PRKCB: variants seen among roughly 807,000 people sequenced by gnomAD.
The protein encoded by PRKCB is protein kinase C beta type.
In PRKCB, 13 loss-of-function variants were observed where a neutral mutation model predicts 81.5. The observed-to-expected ratio is 0.16, with a 90% confidence interval of 0.10 to 0.25. PRKCB has a LOEUF of 0.25. Among genes scored for constraint, PRKCB ranks in the 10% least tolerant of loss-of-function variants. The pLI, the probability that PRKCB is intolerant of heterozygous loss-of-function variation, is 1.00. For synonymous variants in PRKCB, 335 were observed against 321.4 expected (o/e 1.04, Z -0.45); for missense variants, 509 against 875.7 (o/e 0.58, Z 5.29).
chr16:23,889,716 T>C (rs1963261781), intron 2 of PRKCB, among the ~76,000 whole-genome samples: 1 of 152,254 alleles, frequency 6.6e-6, no homozygotes, highest in Non-Finnish European at 1.5e-5. Flanking sequence ...ATCAACTTGC[T>C]CCTGGAGACA....
In PRKCB at chr16:24,218,825, C is replaced by T; in HGVS notation, c.*4009C>T. 3 of 985,448 alleles carry T rather than the reference C, an allele frequency of 3.0e-6. No individual in the cohort carries two copies. The highest frequency in any genetic ancestry group is 3.6e-6 in the Non-Finnish European group (3 of 829,960). 61.0% of individuals were successfully genotyped at this position (985,448 alleles called of 1,614,324 possible). The stretch of plus-strand genomic sequence containing the variant: ...GCACTAGGGAATACAAGGCCTTCTT[C>T]CCTGGTTGTCTTGTAATAAAACAGC... On this transcript the variant is annotated 3_prime_UTR_variant, in exon 17 of 17. Transcript: ENST00000643927.
At chr16:23,871,967 G>T (rs1029175415) in intron 2 of PRKCB, among the ~76,000 whole-genome samples, 2 of 151,438 alleles carry the variant, frequency 1.3e-5, no homozygotes, top group Non-Finnish European at 2.9e-5. Context: ...CGGGGTCCTT[G>T]CCTGTCTTGT....
intron 3 of PRKCB, among the ~76,000 whole-genome samples, chr16:24,006,388 A>G (rs1179900519): frequency 6.6e-6 from 1 of 152,246 alleles, no homozygotes; most frequent in Non-Finnish European, 1.5e-5. Context: ...AGAACAGCCC[A>G]TACTGACCAA....
At chr16:23,836,441 C>T (rs1962159357) in intron 1 of PRKCB, 93 bp downstream of exon 1, 3 of 1,493,866 alleles carry the variant, frequency 2.0e-6, no homozygotes, top group African/African-American at 1.5e-5. Context: ...CCTCCGCGCC[C>T]TCCGCACCCT....
chr16:24,200,656 A>G (rs961102457), intron 16 of PRKCB, among the ~76,000 whole-genome samples: 3 of 152,196 alleles, frequency 2.0e-5, no homozygotes, highest in African/African-American at 7.2e-5. Flanking sequence ...GTGAAGGGCA[A>G]GAGAGAGTAT....
intron 2 of PRKCB, among the ~76,000 whole-genome samples, chr16:23,942,960 G>C (rs754453129): frequency 5.9e-5 from 9 of 152,166 alleles, no homozygotes; most frequent in Non-Finnish European, 1.0e-4. Flanking sequence ...GGCAGTGACT[G>C]TCTCTTCTAT....
intron 5 of PRKCB, among the ~76,000 whole-genome samples, chr16:24,078,960 G>A (rs1016389240): frequency 3.3e-5 from 5 of 152,166 alleles, no homozygotes; most frequent in Admixed American, 1.3e-4. Flanking sequence ...AAGTTGCATG[G>A]TTTTGGTGTC....
intron 5 of PRKCB, among the ~76,000 whole-genome samples, chr16:24,068,329 C>G (rs1405566506): frequency 6.6e-6 from 1 of 152,068 alleles, no homozygotes; most frequent in Admixed American, 6.6e-5. Flanking sequence ...TGATTTGGCC[C>G]CTCAAGTCCT....
intron 2 of PRKCB, among the ~76,000 whole-genome samples, chr16:23,918,024 G>A (rs1963767638): frequency 6.6e-6 from 1 of 152,158 alleles, no homozygotes. Context: ...TAAGATGAGA[G>A]GAAAATATGG....
At position 23,849,301 on chromosome 16, in the gene PRKCB, G is replaced by A. The variant is rs370466598; in HGVS notation, c.205+11895G>A. 5.3e-5 allele frequency among the ~76,000 whole-genome samples: 8 copies of A among 152,192 alleles called. No individual in the cohort carries two copies. In the East Asian group the frequency reaches 1.3e-3, roughly 26 times the overall value. On this transcript the variant is annotated intron_variant, in intron 2 of 16. Coordinates refer to ENST00000643927, the MANE Select transcript of PRKCB (RefSeq NM_002738.7). ...GGAGTGTTTATATCCCTTTTCGGTT[G>A]AAGAAGCTGACAGATAGTGTAGGTG...
chr16:24,147,011 A>G (rs1340580181), intron 9 of PRKCB, among the ~76,000 whole-genome samples: 1 of 152,146 alleles, frequency 6.6e-6, no homozygotes, highest in Non-Finnish European at 1.5e-5. Context: ...TCCCATGGCA[A>G]AACTTCACAG....
At chr16:24,109,966 C>T (rs1252296471) in intron 7 of PRKCB, among the ~76,000 whole-genome samples, 3 of 123,842 alleles carry the variant, frequency 2.4e-5, no homozygotes, top group Non-Finnish European at 5.0e-5. Context: ...CGTGGCGGCA[C>T]GAGTCTGCAA....
At chr16:23,910,872 C>A (rs1007069368) in intron 2 of PRKCB, among the ~76,000 whole-genome samples, 3 of 151,956 alleles carry the variant, frequency 2.0e-5, no homozygotes, top group Non-Finnish European at 4.4e-5. Context: ...AAACTAATTC[C>A]GTTTCTGTAG....
At chr16:24,026,857 C>T (rs563027392) in intron 3 of PRKCB, among the ~76,000 whole-genome samples, 54 of 152,184 alleles carry the variant, frequency 3.5e-4, no homozygotes, top group Admixed American at 6.5e-4. Flanking sequence ...AACCTCCATG[C>T]GAGCTCCACC....
intron 10 of PRKCB, among the ~76,000 whole-genome samples, chr16:24,167,836 T>A (rs1967371676): frequency 1.3e-5 from 2 of 152,232 alleles, no homozygotes; most frequent in Admixed American, 6.5e-5. Context: ...GCTTATCAGC[T>A]GAGAGACCAC....
intron 4 of PRKCB, among the ~76,000 whole-genome samples, chr16:24,032,591 A>G (rs1965563692): frequency 6.6e-6 from 1 of 152,166 alleles, no homozygotes; most frequent in Non-Finnish European, 1.5e-5. Context: ...CCTCACCCAC[A>G]TGTCCTGGAG....
chr16:24,085,007 G>A (rs1411603780), intron 5 of PRKCB, among the ~76,000 whole-genome samples: 3 of 152,128 alleles, frequency 2.0e-5, no homozygotes, highest in South Asian at 4.1e-4. Context: ...AGACAGGAAG[G>A]TAAGGACATT....
At chr16:24,017,785 A>G (rs1257818152) in intron 3 of PRKCB, among the ~76,000 whole-genome samples, 1 of 152,044 alleles carries the variant, frequency 6.6e-6, no homozygotes, top group African/African-American at 2.4e-5. Context: ...GCTAGAGTGC[A>G]GTGGTGTGAT....
intron 2 of PRKCB, among the ~76,000 whole-genome samples, chr16:23,883,832 C>T (rs1461568804): frequency 5.9e-5 from 9 of 152,030 alleles, no homozygotes; most frequent in Non-Finnish European, 1.2e-4. Flanking sequence ...TCTGTGTTGT[C>T]CAGTAGAAAT....
Sources: allele counts gnomAD v4.1 joint callset (sites outside exome capture counted in the v4.1 genomes callset), GRCh38; gene constraint gnomAD v4.1.1; transcripts MANE v1.5; gene names NCBI Gene and HGNC (gene_info 2026-07-23, HGNC 2026-07-21).